The following ARHGAP26 variants were observed in gnomAD, a reference collection of about 807,000 sequenced individuals.
ARHGAP26 encodes rho GTPase-activating protein 26.
In ARHGAP26, 38 loss-of-function variants were observed where a neutral mutation model predicts 104.8. That is an observed-to-expected ratio of 0.36 (90% CI 0.28 to 0.48). ARHGAP26 has a LOEUF of 0.48. Ranked by LOEUF, ARHGAP26 falls within the 20% of genes least tolerant of loss-of-function variation. The pLI is 0.99. For synonymous variants in ARHGAP26, 341 were observed against 340.0 expected (o/e 1.00, Z -0.03); for missense variants, 704 against 947.9 (o/e 0.74, Z 3.38).
At chr5:142,879,256 A>G in intron 3 of ARHGAP26, 118 bp from the exon 4 acceptor site, 1 of 899,860 alleles carries the variant, frequency 1.1e-6, no homozygotes, top group Non-Finnish European at 1.9e-6. Context: ...CATGTACAAC[A>G]CTGCCTCCCC....
At chr5:143,056,601 T>C (rs1785856861) in intron 16 of ARHGAP26, among the ~76,000 whole-genome samples, 1 of 152,168 alleles carries the variant, frequency 6.6e-6, no homozygotes, top group African/African-American at 2.4e-5. Context: ...ATCCAGGTCC[T>C]GGTGTCATAT....
In ARHGAP26 at chr5:142,821,299, GGT is replaced by G. The variant is rs1766121763; in HGVS notation, c.154+50385_154+50386del. On this transcript the variant is annotated intron_variant, in intron 1 of 22. Transcript: ENST00000645722. ...GTTGGCAGGCTTCCTAAGGTAGAGT[GGT>G]TTTTTTTTTTTTTTTTTTTTTTTTT... Among the ~76,000 whole-genome samples, 5 of 132,846 alleles carry G rather than the reference GGT, an allele frequency of 3.8e-5. No individual in the cohort carries two copies. In the South Asian group the frequency reaches 1.2e-3, roughly 33 times the overall value. 87.2% of individuals were successfully genotyped at this position (132,846 alleles called of 152,430 possible).
Position 143,224,842 on chromosome 5 carries a change from T to C in ARHGAP26, c.*2396T>C, listed in dbSNP as rs1430473973. 1 of 227,490 alleles carries C rather than the reference T, an allele frequency of 4.4e-6. No homozygotes were observed. The highest frequency in any genetic ancestry group is 8.7e-6 in the Non-Finnish European group (1 of 114,480). The allele number at this position is 227,490 out of a possible 1,614,324, so 14.1% of individuals were successfully genotyped here. ...GATTGTGCCGTCATAGCTTTACAGGTGGTTTTAAAGTTAACAGGGGTTTGT... is the reference window on the plus strand; with the variant it reads ...GATTGTGCCGTCATAGCTTTACAGGCGGTTTTAAAGTTAACAGGGGTTTGT... On this transcript the variant is annotated 3_prime_UTR_variant, in exon 23 of 23. Transcript: ENST00000645722.
intron 20 of ARHGAP26, among the ~76,000 whole-genome samples, chr5:143,192,943 A>C (rs918796675): frequency 6.6e-6 from 1 of 152,188 alleles, no homozygotes; most frequent in Non-Finnish European, 1.5e-5. Context: ...AAGAGCATTC[A>C]TATGCAGTAG....
At chr5:142,838,054 T>G (rs1406262741) in intron 1 of ARHGAP26, among the ~76,000 whole-genome samples, 1 of 151,930 alleles carries the variant, frequency 6.6e-6, no homozygotes, top group African/African-American at 2.4e-5. Flanking sequence ...AGGTCAGGGG[T>G]TCGAGACCAA....
intron 12 of ARHGAP26, among the ~76,000 whole-genome samples, chr5:143,017,624 TTC>T (rs1446142078): frequency 6.6e-6 from 1 of 152,208 alleles, no homozygotes; most frequent in East Asian, 1.9e-4. Context: ...TAATAAATGG[TTC>T]TGGGTCTTGT....
intron 17 of ARHGAP26, among the ~76,000 whole-genome samples, chr5:143,087,868 C>A (rs1035682688): frequency 1.3e-5 from 2 of 151,768 alleles, no homozygotes; most frequent in African/African-American, 4.8e-5. Flanking sequence ...AGGCTGGTCT[C>A]GAACTCCTGA....
At chr5:143,077,929 G>A (rs1789267900) in intron 17 of ARHGAP26, among the ~76,000 whole-genome samples, 1 of 152,042 alleles carries the variant, frequency 6.6e-6, no homozygotes, top group Admixed American at 6.6e-5. Context: ...TGGTTTCCAG[G>A]AATCTCCTTA....
intron 12 of ARHGAP26, among the ~76,000 whole-genome samples, chr5:143,026,112 G>T (rs1781014868): frequency 6.6e-6 from 1 of 152,184 alleles, no homozygotes; most frequent in Non-Finnish European, 1.5e-5. Flanking sequence ...CTGAACTCTA[G>T]AAGGTACCAA....
chr5:142,791,614 A>T (rs1759830569), intron 1 of ARHGAP26, among the ~76,000 whole-genome samples: 2 of 152,164 alleles, frequency 1.3e-5, no homozygotes, highest in South Asian at 4.1e-4. Context: ...CTGCTTTAAA[A>T]AGAGAGATTT....
chr5:143,014,065 A>G lies in ARHGAP26; in HGVS notation c.1108-15A>G, dbSNP rs1471749110. 1.2e-6 allele frequency: 2 copies of G among 1,613,968 alleles called. No homozygotes were observed. Among genetic ancestry groups the G allele is most frequent in the Non-Finnish European group, 1.7e-6 (2 of 1,179,858 alleles). ...ATAAAATGCACATAAGTGAATTTTT[A>G]TTTTTATTTTCCAGGTCTACAACTC... On this transcript the variant is annotated splice_polypyrimidine_tract_variant and intron_variant, in intron 11 of 22. Transcript: ENST00000645722.
At chr5:143,021,292 A>G (rs2152835496) in intron 12 of ARHGAP26, among the ~76,000 whole-genome samples, 1 of 152,308 alleles carries the variant, frequency 6.6e-6, no homozygotes, top group Non-Finnish European at 1.5e-5. Flanking sequence ...GATGTCATGA[A>G]ATGTTTAGAA....
intron 17 of ARHGAP26, among the ~76,000 whole-genome samples, chr5:143,073,942 G>A (rs1051070590): frequency 2.0e-5 from 3 of 152,158 alleles, no homozygotes; most frequent in Admixed American, 1.3e-4. Flanking sequence ...TTGGTTATTC[G>A]GAAACAGAAT....
rs543773550 is a variant in ARHGAP26, at chr5:143,084,822, A to G, written c.1538+27075A>G. On this transcript the variant is annotated intron_variant, in intron 17 of 22. Transcript: ENST00000645722. Reference sequence around the variant, plus strand: ...ACACTTTGGTGAGGCCGAGGTGGAAAGATCACGTGGTCAGGAGATGGAGAC... The same window carrying G: ...ACACTTTGGTGAGGCCGAGGTGGAAGGATCACGTGGTCAGGAGATGGAGAC... 7.9e-5 allele frequency among the ~76,000 whole-genome samples: 12 copies of G among 152,268 alleles called. No homozygotes were observed. In the East Asian group the frequency reaches 2.1e-3, roughly 27 times the overall value.
At chr5:143,164,965 C>G (rs2151088222) in intron 20 of ARHGAP26, 1 of 152,224 alleles carries the variant, frequency 6.6e-6, no homozygotes, top group East Asian at 1.9e-4. Flanking sequence ...CATGTAGAAC[C>G]CTATTTGTAT....
intron 17 of ARHGAP26, among the ~76,000 whole-genome samples, chr5:143,077,146 T>C (rs1446639737): frequency 6.6e-6 from 1 of 152,200 alleles, no homozygotes; most frequent in African/African-American, 2.4e-5. Flanking sequence ...ACTTAATGTG[T>C]CCCAGGCGGT....
chr5:143,196,026 A>G (rs115833345), intron 20 of ARHGAP26, among the ~76,000 whole-genome samples: 2,070 of 152,282 alleles, frequency 0.014, 51 homozygotes, highest in African/African-American at 0.046. Context: ...AGGGAATGCT[A>G]CTAATATGTT....
chr5:142,933,476 A>G (rs983336157), intron 11 of ARHGAP26, among the ~76,000 whole-genome samples: 48 of 152,134 alleles, frequency 3.2e-4, no homozygotes, highest in African/African-American at 1.1e-3. Flanking sequence ...TAACAGAGAG[A>G]CTCTGAAGTA....
chr5:142,783,828 T>C (rs1267494367), intron 1 of ARHGAP26, among the ~76,000 whole-genome samples: 2 of 152,186 alleles, frequency 1.3e-5, no homozygotes, highest in African/African-American at 4.8e-5. Flanking sequence ...CTTAAGAAAA[T>C]CTGTGGGTTG....
Sources: allele counts gnomAD v4.1 joint callset (sites outside exome capture counted in the v4.1 genomes callset), GRCh38; gene constraint gnomAD v4.1.1; transcripts MANE v1.5; gene names NCBI Gene and HGNC (gene_info 2026-07-23, HGNC 2026-07-21).